SLCO3A1: variants seen among roughly 807,000 people sequenced by gnomAD.
The protein encoded by SLCO3A1 is solute carrier organic anion transporter family member 3A1, also known as PGE1 transporter.
SLCO3A1 carries 27 observed loss-of-function variants against 63.1 expected under a neutral mutation model. The observed-to-expected ratio is 0.43, with a 90% confidence interval of 0.32 to 0.59. The LOEUF (loss-of-function observed/expected upper bound fraction) is 0.59. Among genes scored for constraint, SLCO3A1 ranks in the 20% least tolerant of loss-of-function variants. SLCO3A1 has a pLI of 0.09. For missense variants in SLCO3A1, 773 were observed against 945.8 expected, an observed-to-expected ratio of 0.82 and a Z score of 2.40; for synonymous variants, 473 against 409.9, an observed-to-expected ratio of 1.15 and a Z score of -1.86.
At chr15:92,077,145 T>C (rs1244143829) in intron 2 of SLCO3A1, among the ~76,000 whole-genome samples, 1 of 152,000 alleles carries the variant, frequency 6.6e-6, no homozygotes, top group East Asian at 1.9e-4. Context: ...AGCATGAGGG[T>C]AACCACCCCC....
intron 1 of SLCO3A1, among the ~76,000 whole-genome samples, chr15:91,891,757 G>A (rs977762995): frequency 1.3e-5 from 2 of 152,192 alleles, no homozygotes; most frequent in Admixed American, 6.5e-5. Flanking sequence ...ATAGTAAATA[G>A]GAAAATCAAA....
chr15:92,082,555 A>G (rs2047360002), intron 2 of SLCO3A1, among the ~76,000 whole-genome samples: 1 of 152,200 alleles, frequency 6.6e-6, no homozygotes, highest in Admixed American at 6.5e-5. Flanking sequence ...CCAAAGAAAC[A>G]GCCTAGGGAG....
At chr15:92,158,772 CCGTT>C (rs1239760594) in intron 9 of SLCO3A1, among the ~76,000 whole-genome samples, 5 of 152,214 alleles carry the variant, frequency 3.3e-5, no homozygotes, top group Admixed American at 1.3e-4. Flanking sequence ...AAGATGCAGT[CCGTT>C]CGTCTCTGGT....
intron 1 of SLCO3A1, among the ~76,000 whole-genome samples, chr15:91,898,667 C>G (rs1898071560): frequency 6.6e-6 from 1 of 151,828 alleles, no homozygotes; most frequent in Non-Finnish European, 1.5e-5. Context: ...CCAGAGCATG[C>G]ATTTTGGATG....
intron 1 of SLCO3A1, among the ~76,000 whole-genome samples, chr15:91,887,825 G>T (rs2151353464): frequency 6.6e-6 from 1 of 152,260 alleles, no homozygotes; most frequent in Middle Eastern, 3.4e-3. Context: ...TAACCTCTCT[G>T]AACCTCTCCT....
intron 2 of SLCO3A1, among the ~76,000 whole-genome samples, chr15:91,940,881 A>G (rs1899597231): frequency 6.6e-6 from 1 of 152,120 alleles, no homozygotes; most frequent in South Asian, 2.1e-4. Flanking sequence ...CCACCCCAGC[A>G]TTTCTGGAAA....
chr15:92,158,112 C>A (rs1331084967), intron 9 of SLCO3A1, among the ~76,000 whole-genome samples: 2 of 152,168 alleles, frequency 1.3e-5, no homozygotes, highest in African/African-American at 4.8e-5. Context: ...CCTCAGGTGT[C>A]CAGCGAAATA....
chr15:92,040,240 A>G (rs759685534), intron 2 of SLCO3A1, among the ~76,000 whole-genome samples: 3 of 152,194 alleles, frequency 2.0e-5, no homozygotes, highest in Non-Finnish European at 4.4e-5. Context: ...GGCGCATGCA[A>G]TTTGGCACCC....
chr15:91,993,331 GA>G (rs1351796093), intron 2 of SLCO3A1, among the ~76,000 whole-genome samples: 1 of 152,182 alleles, frequency 6.6e-6, no homozygotes, highest in Admixed American at 6.5e-5. Context: ...GAAAGTTACA[GA>G]GCACTTTTGG....
Position 91,854,211 on chromosome 15 carries a change from G to A in SLCO3A1, c.180+123G>A. 1 of 1,143,022 alleles carries A rather than the reference G, an allele frequency of 8.7e-7. No individual in the cohort carries two copies. The highest frequency in any genetic ancestry group is 1.1e-6 in the Non-Finnish European group (1 of 894,182). 70.8% of individuals were successfully genotyped at this position (1,143,022 alleles called of 1,614,324 possible). ...GGCGGGCATGACCTCGGCCCGGCGT[G>A]GAGGTTGGCGAGTGGTGCAGAGGCG... On this transcript the variant is annotated intron_variant, in intron 1 of 9. Transcript: ENST00000318445. The surrounding 1 kb of genome is among the most constrained non-coding windows in gnomAD (Gnocchi z 6.4).
At chr15:92,016,365 G>A (rs1211486914) in intron 2 of SLCO3A1, among the ~76,000 whole-genome samples, 2 of 152,112 alleles carry the variant, frequency 1.3e-5, no homozygotes, top group African/African-American at 4.8e-5. Context: ...AGATCTCACT[G>A]TGTTTCCTAG....
At chr15:91,884,527 A>G (rs1897674547) in intron 1 of SLCO3A1, among the ~76,000 whole-genome samples, 1 of 151,764 alleles carries the variant, frequency 6.6e-6, no homozygotes, top group African/African-American at 2.4e-5. Context: ...AAAAAAAAAA[A>G]AAAGGTGGAG....
chr15:92,000,633 C>T (rs138334534), intron 2 of SLCO3A1, among the ~76,000 whole-genome samples: 5 of 152,240 alleles, frequency 3.3e-5, no homozygotes, highest in Non-Finnish European at 7.4e-5. Context: ...AGTTGAGGGT[C>T]AGTTATACTA....
chr15:92,087,015 C>T (rs1262954918), intron 2 of SLCO3A1, among the ~76,000 whole-genome samples: 2 of 151,940 alleles, frequency 1.3e-5, no homozygotes, highest in African/African-American at 4.8e-5. Context: ...TTCTCTACCC[C>T]CAACATCATG....
rs148944523 is a variant in SLCO3A1, at chr15:92,151,500, T to C, written c.1753+486T>C. Among the ~76,000 whole-genome samples, 583 of 152,294 alleles carry C rather than the reference T, an allele frequency of 3.8e-3. 2 individuals carry two copies. The highest frequency in any genetic ancestry group is 0.014 in the African/African-American group (562 of 41,542). On this transcript the variant is annotated intron_variant, in intron 9 of 9. Coordinates refer to ENST00000318445, the MANE Select transcript of SLCO3A1 (RefSeq NM_013272.4). ...TGGGGCAAATGTGACCTTCATGCTA[T>C]AGGGCCCACGTTTCCAGATTTGGTA...
intron 2 of SLCO3A1, among the ~76,000 whole-genome samples, chr15:92,051,229 TG>T (rs2151497212): frequency 6.6e-6 from 1 of 152,290 alleles, no homozygotes; most frequent in Admixed American, 6.5e-5. Context: ...AGCTGGAACT[TG>T]AAACAGGTGT....
chr15:91,974,654 A>T (rs116591644), intron 2 of SLCO3A1, among the ~76,000 whole-genome samples: 1 of 152,166 alleles, frequency 6.6e-6, no homozygotes. Flanking sequence ...GGAACTCCCC[A>T]GGGAGCAGAG....
In SLCO3A1 at chr15:92,147,055, C is replaced by T. The variant is rs147148495; in HGVS notation, c.1584C>T (p.Pro528=). The T allele has an allele frequency of 1.2e-6, 2 of 1,614,210 alleles. No individual in the cohort carries two copies. Among genetic ancestry groups the T allele is most frequent in the Non-Finnish European group, 1.7e-6 (2 of 1,180,030 alleles). ...ENATVVPGKC[P]SPGCQEAFLT... ...CAACCGTGGTTCCTGGAAAATGCCC[C>T]AGTCCTGGGTGCCAAGAGGCCTTCC... Residue 528 remains proline, a synonymous_variant, in exon 8 of 10, where the codon CCC becomes CCT. Coordinates refer to ENST00000318445, the MANE Select transcript of SLCO3A1 (RefSeq NM_013272.4).
At chr15:91,989,149 C>A (rs1306813573) in intron 2 of SLCO3A1, among the ~76,000 whole-genome samples, 1 of 152,174 alleles carries the variant, frequency 6.6e-6, no homozygotes, top group African/African-American at 2.4e-5. Context: ...ACTGTGCCTT[C>A]GCATAAGTGT....
Sources: allele counts gnomAD v4.1 joint callset (sites outside exome capture counted in the v4.1 genomes callset), GRCh38; gene constraint gnomAD v4.1.1; non-coding constraint Gnocchi (gnomAD v3.1); transcripts MANE v1.5; gene names NCBI Gene and HGNC (gene_info 2026-07-23, HGNC 2026-07-21).